Variants in SPATS2L observed in about 807,000 individuals in gnomAD.
SPATS2L encodes spermatogenesis associated serine rich 2 like.
Under a neutral mutation model 59.6 loss-of-function variants are expected in SPATS2L, and 30 were observed. That is an observed-to-expected ratio of 0.50 (90% confidence interval 0.38 to 0.68). The LOEUF is 0.68. Ranked by LOEUF, SPATS2L falls within the 30% of genes least tolerant of loss-of-function variation. The pLI, the probability that SPATS2L is intolerant of heterozygous loss-of-function variation, is 0.00. For synonymous variants in SPATS2L, 252 were observed against 263.5 expected (o/e 0.96, Z 0.42); for missense variants, 615 against 700.0 (o/e 0.88, Z 1.37).
chr2:200,475,588 CTT>C (rs2087453254), intron 12 of SPATS2L, among the ~76,000 whole-genome samples: 1 of 152,184 alleles, frequency 6.6e-6, no homozygotes, highest in Non-Finnish European at 1.5e-5. Context: ...AGAGGGGTGA[CTT>C]TGAATAGAAT....
At chr2:200,371,974 C>G (rs2081441127) in intron 2 of SPATS2L, 1 of 954,944 alleles carries the variant, frequency 1.0e-6, no homozygotes, top group African/African-American at 1.8e-5. Flanking sequence ...TCTGGCCCTG[C>G]CTGCAGGAAG....
intron 3 of SPATS2L, chr2:200,390,289 T>C (rs987406220): frequency 6.6e-6 from 1 of 152,276 alleles, no homozygotes; most frequent in Admixed American, 6.5e-5. Context: ...GCCTGGGGTA[T>C]GGCCCTGAAC....
At chr2:200,341,990 C>A (rs1007762361) in intron 2 of SPATS2L, among the ~76,000 whole-genome samples, 4 of 152,118 alleles carry the variant, frequency 2.6e-5, no homozygotes, top group Non-Finnish European at 5.9e-5. Context: ...GCCCGGCCAA[C>A]TATAACATTT....
intron 1 of SPATS2L, among the ~76,000 whole-genome samples, chr2:200,308,526 T>G (rs1205115324): frequency 6.6e-6 from 1 of 152,186 alleles, no homozygotes; most frequent in Non-Finnish European, 1.5e-5. Flanking sequence ...TCAAGCTGTG[T>G]TAAAACCTAT....
In SPATS2L at chr2:200,419,487, G is replaced by A; in HGVS notation, c.436G>A (p.Gly146Arg). The change falls in exon 6 of 13, where the codon GGG becomes AGG. Residue 146 changes from glycine (G) to arginine (R), a missense_variant. Around this residue, in one of 3 missense-constraint regions of SPATS2L, gnomAD observed 227 missense variants for 257.4 expected, o/e 0.88. Transcript: ENST00000409140. ...ILEEPSKALR[G>R]VTEGNRLLQQ... is the part of the protein sequence containing the mutation. ...TGAGGAACCTTCAAAGGCACTTCGT[G>A]GGGTCACAGGTCAGTAATGCTTAAG... The A allele has an allele frequency of 1.2e-6, 2 of 1,613,828 alleles. No individual in the cohort carries two copies. The highest frequency in any genetic ancestry group is 1.7e-6 in the Non-Finnish European group (2 of 1,179,828).
In SPATS2L at chr2:200,437,876, A is replaced by T. The variant is rs186941482; in HGVS notation, c.446-1246A>T. Among the ~76,000 whole-genome samples the T allele has an allele frequency of 3.5e-3, 533 of 152,066 alleles. 2 individuals carry two copies. Among genetic ancestry groups the T allele is most frequent in the Admixed American group, 4.0e-3 (61 of 15,258 alleles). Reference sequence around the variant, plus strand: ...GTAGTCTCTGACTGTGTCAGGTAAGATATTCATTGTTTTTTATTTTTTTCT... The same window carrying T: ...GTAGTCTCTGACTGTGTCAGGTAAGTTATTCATTGTTTTTTATTTTTTTCT... On this transcript the variant is annotated intron_variant, in intron 6 of 12. Transcript: ENST00000409140.
chr2:200,306,129 C>T, upstream of SPATS2L: 1 of 989,594 alleles, frequency 1.0e-6, no homozygotes, highest in Non-Finnish European at 1.2e-6. Context: ...CTGACCCGAG[C>T]TCCAGCACTT....
At chr2:200,328,690 C>T (rs1256289683) in intron 1 of SPATS2L, among the ~76,000 whole-genome samples, 6 of 152,180 alleles carry the variant, frequency 3.9e-5, no homozygotes, top group Admixed American at 2.6e-4. Flanking sequence ...CCACACAGTA[C>T]TCAGCAGAGC....
chr2:200,356,571 A>T (rs192006421), intron 2 of SPATS2L, among the ~76,000 whole-genome samples: 2 of 152,192 alleles, frequency 1.3e-5, no homozygotes, highest in Non-Finnish European at 2.9e-5. Flanking sequence ...TGACTACATG[A>T]TGTCATGCTC....
chr2:200,333,087 C>A (rs567972270), intron 2 of SPATS2L, among the ~76,000 whole-genome samples: 102 of 151,862 alleles, frequency 6.7e-4, no homozygotes, highest in Non-Finnish European at 1.1e-3. Flanking sequence ...TCAAGACCAG[C>A]CTGGGCAACA....
intron 7 of SPATS2L, among the ~76,000 whole-genome samples, chr2:200,440,356 C>G (rs2084611742): frequency 1.3e-5 from 2 of 152,196 alleles, no homozygotes; most frequent in South Asian, 4.1e-4. Flanking sequence ...GTATCAGATT[C>G]TAAGGCACTG....
chr2:200,384,008 G>T (rs777348650), intron 2 of SPATS2L: 4 of 1,001,952 alleles, frequency 4.0e-6, no homozygotes, highest in East Asian at 1.1e-4. Context: ...GTCAGAAAGC[G>T]ATTTGATAGG....
chr2:200,430,793 C>T (rs1044950514), intron 6 of SPATS2L, among the ~76,000 whole-genome samples: 2 of 150,218 alleles, frequency 1.3e-5, no homozygotes, highest in Non-Finnish European at 3.0e-5. Context: ...TCTTGGCTCA[C>T]CACAACCTCT....
intron 2 of SPATS2L, among the ~76,000 whole-genome samples, chr2:200,358,339 T>C (rs1574484992): frequency 6.6e-6 from 1 of 152,228 alleles, no homozygotes; most frequent in Admixed American, 6.5e-5. Context: ...ATGAAAATGC[T>C]TGGACTTCTT....
chr2:200,306,748 G>A lies in SPATS2L; in HGVS notation c.-247G>A, dbSNP rs1449845170. On this transcript the variant is annotated 5_prime_UTR_variant, in exon 1 of 13. Transcript: ENST00000409140. Reference sequence around the variant, plus strand: ...GGCCGAGCTGGCTGCGCCCTCCGCTGCAAGCGCCGGCAGCGCGGGGCGAGC... The same window carrying A: ...GGCCGAGCTGGCTGCGCCCTCCGCTACAAGCGCCGGCAGCGCGGGGCGAGC... 6.0e-6 allele frequency: 2 copies of A among 334,992 alleles called. No individual in the cohort carries two copies. The highest frequency in any genetic ancestry group is 7.3e-6 in the Non-Finnish European group (2 of 273,194). 20.8% of individuals were successfully genotyped at this position (334,992 alleles called of 1,614,324 possible).
At chr2:200,331,849 C>T (rs980125108) in intron 2 of SPATS2L, among the ~76,000 whole-genome samples, 2 of 152,172 alleles carry the variant, frequency 1.3e-5, no homozygotes, top group African/African-American at 4.8e-5. Flanking sequence ...TTTGCTCGTA[C>T]CACAGTATTG....
intron 5 of SPATS2L, among the ~76,000 whole-genome samples, chr2:200,417,026 G>T (rs969277147): frequency 6.6e-6 from 1 of 152,210 alleles, no homozygotes; most frequent in African/African-American, 2.4e-5. Flanking sequence ...TTGCTTTCTT[G>T]TCGAGTCACA....
chr2:200,412,289 T>TA (rs2082902378), intron 3 of SPATS2L, 22 bp from the exon 4 acceptor site: 1 of 271,630 alleles, frequency 3.7e-6, no homozygotes, highest in African/African-American at 2.9e-5. Flanking sequence ...TTTCTATTTC[T>TA]TTTTTTTTTT....
intron 4 of SPATS2L, among the ~76,000 whole-genome samples, chr2:200,415,890 T>C (rs1434370434): frequency 2.0e-5 from 3 of 152,256 alleles, no homozygotes; most frequent in South Asian, 2.1e-4. Flanking sequence ...CATTGTAATA[T>C]GTCTTCCTCA....
Sources: gnomAD v4.1 joint callset for allele counts (sites outside exome capture counted in the v4.1 genomes callset) on GRCh38, gnomAD v4.1.1 for gene constraint, gnomAD v4.1.1 regional missense constraint, MANE v1.5 for transcripts, NCBI Gene and HGNC (gene_info 2026-07-23, HGNC 2026-07-21) for gene names.